SEC23A: variants seen among roughly 807,000 people sequenced by gnomAD.
The protein encoded by SEC23A is SEC23 homolog A, COPII component.
SEC23A carries 56 observed loss-of-function variants against 103.7 expected under a neutral mutation model. That is an observed-to-expected ratio of 0.54 (90% CI 0.44 to 0.67). SEC23A has a LOEUF of 0.67. SEC23A is among the 30% of genes least tolerant of loss of function. The pLI is 0.00. For missense variants in SEC23A, 784 were observed against 936.4 expected (o/e 0.84, Z 2.12); for synonymous variants, 281 against 293.0 (o/e 0.96, Z 0.42).
In SEC23A at chr14:39,077,227, CAAAAAAAAAAA is replaced by C. The variant is rs57549556; in HGVS notation, c.829-1145_829-1135del. Among the ~76,000 whole-genome samples the C allele has an allele frequency of 1.8e-3, 65 of 36,480 alleles. No individual in the cohort carries two copies. The East Asian group carries it at 0.032, about 18-fold the overall frequency. The allele number at this position is 36,480 out of a possible 152,430, so 23.9% of individuals were successfully genotyped here. On this transcript the variant is annotated intron_variant, in intron 7 of 19. Coordinates refer to ENST00000307712, the MANE Select transcript of SEC23A (RefSeq NM_006364.4). ...TGGGCAATGGAGCAAGACTCCATCT[CAAAAAAAAAAA>C]AAAAAAAAAAAAAAAAAGAAAGAGG...
At chr14:39,041,047 ATTC>A in intron 17 of SEC23A, 160 bp from the exon 18 acceptor site, 1 of 669,772 alleles carries the variant, frequency 1.5e-6, no homozygotes. Context: ...TAGAGAAAAT[ATTC>A]TTAATAAATA....
chr14:39,092,903 G>C (rs1887709665), intron 3 of SEC23A: 1 of 489,946 alleles, frequency 2.0e-6, no homozygotes, highest in African/African-American at 2.0e-5. Context: ...TTGCTCTGTT[G>C]CCCAGGCTGG....
chr14:39,054,432 G>A (rs917244348), intron 14 of SEC23A, among the ~76,000 whole-genome samples: 1 of 152,068 alleles, frequency 6.6e-6, no homozygotes, highest in African/African-American at 2.4e-5. Context: ...ATACAGACTT[G>A]TCTATATTTT....
intron 9 of SEC23A, among the ~76,000 whole-genome samples, chr14:39,072,685 G>A (rs1367033354): frequency 6.6e-6 from 1 of 152,106 alleles, no homozygotes; most frequent in Non-Finnish European, 1.5e-5. Context: ...GTGGTAGCAT[G>A]TGCCTGTAGT....
chr14:39,048,800 C>A, intron 14 of SEC23A, 71 bp from the exon 15 acceptor site: 2 of 823,060 alleles, frequency 2.4e-6, no homozygotes, highest in Non-Finnish European at 4.1e-6. Flanking sequence ...TATAAATATT[C>A]TATTTACAAG....
intron 2 of SEC23A, among the ~76,000 whole-genome samples, chr14:39,094,373 TACACACACACAC>T (rs1160995370): frequency 5.1e-5 from 1 of 19,450 alleles, no homozygotes; most frequent in Non-Finnish European, 8.9e-5. Context: ...CATATATATA[TACACACACACAC>T]ACACACACAC....
At chr14:39,067,346 C>T (rs774609233) in intron 9 of SEC23A, 50 bp from the exon 10 acceptor site, 9 of 1,600,402 alleles carry the variant, frequency 5.6e-6, no homozygotes, top group South Asian at 1.1e-5. Context: ...TTACTGAGTC[C>T]GTGTGTTAAA....
At chr14:39,037,006 C>T (rs1298165837) in intron 19 of SEC23A, among the ~76,000 whole-genome samples, 1 of 152,094 alleles carries the variant, frequency 6.6e-6, no homozygotes, top group African/African-American at 2.4e-5. Flanking sequence ...CCTCCTTCTT[C>T]TTCCTTCTAT....
chr14:39,033,166 T>C lies in SEC23A; in HGVS notation c.*73A>G. The C allele has an allele frequency of 8.6e-7, 1 of 1,157,954 alleles. No homozygotes were observed. The highest frequency in any genetic ancestry group is 1.7e-5 in the Admixed American group (1 of 59,038). The allele number at this position is 1,157,954 out of a possible 1,614,324, so 71.7% of individuals were successfully genotyped here. A position where few individuals can be genotyped will look rare whatever the true frequency, so the allele number is the denominator to read the frequency against. ...AGCAATATCTGTTGGTTTCCACAGA[T>C]AAATGGAAAAAGGAAAAAATGAAAT... On this transcript the variant is annotated 3_prime_UTR_variant, in exon 20 of 20. Transcript: ENST00000307712.
chr14:39,045,348 G>T (rs1885793703), intron 15 of SEC23A, 24 bp from the exon 16 acceptor site: 1 of 1,570,000 alleles, frequency 6.4e-7, no homozygotes, highest in Admixed American at 1.7e-5. Context: ...ACGTAAGATA[G>T]TTGTTACTGA....
chr14:39,087,831 T>C (rs961279310), intron 5 of SEC23A: 1 of 152,208 alleles, frequency 6.6e-6, no homozygotes, highest in African/African-American at 2.4e-5. Flanking sequence ...CCATATTCTA[T>C]GCTAAAACCT....
intron 11 of SEC23A, among the ~76,000 whole-genome samples, chr14:39,064,325 G>A (rs770468719): frequency 7.2e-5 from 11 of 152,100 alleles, no homozygotes; most frequent in African/African-American, 1.2e-4. Flanking sequence ...TTTAGAGTAC[G>A]TTATACTTCC....
At chr14:39,077,263 G>A (rs1251266556) in intron 7 of SEC23A, among the ~76,000 whole-genome samples, 4 of 142,018 alleles carry the variant, frequency 2.8e-5, no homozygotes, top group East Asian at 2.0e-4. Context: ...AAAGAAAGAG[G>A]CCCGGCACGG....
In SEC23A at chr14:39,094,420, ATATATATATATATATATATATATTT is replaced by A. The variant is rs1332172276; in HGVS notation, c.222-1201_222-1177del. 1.6e-4 allele frequency among the ~76,000 whole-genome samples: 10 copies of A among 62,548 alleles called. 2 individuals carry two copies. Among genetic ancestry groups the A allele is most frequent in the African/African-American group, 1.3e-3 (10 of 7,602 alleles). 41.0% of individuals were successfully genotyped at this position (62,548 alleles called of 152,430 possible). On this transcript the variant is annotated intron_variant, in intron 2 of 19. Coordinates refer to ENST00000307712, the MANE Select transcript of SEC23A (RefSeq NM_006364.4). ...CACATATATATATATATATATATATATATATATATATATATATATATATTTTTTTTTTTTTTTTTTCCCCTCCTGT... is the reference window on the plus strand; with the variant it reads ...CACATATATATATATATATATATATATTTTTTTTTTTTTTTCCCCTCCTGT...
At chr14:39,094,111 T>C (rs906512287) in intron 2 of SEC23A, among the ~76,000 whole-genome samples, 8 of 151,286 alleles carry the variant, frequency 5.3e-5, no homozygotes, top group African/African-American at 1.9e-4. Context: ...AGCATTGAAC[T>C]CCTGGCTCAA....
At chr14:39,034,893 C>G (rs1188934919) in intron 19 of SEC23A, among the ~76,000 whole-genome samples, 4 of 152,192 alleles carry the variant, frequency 2.6e-5, no homozygotes, top group South Asian at 4.1e-4. Flanking sequence ...GTGGTGCCCT[C>G]TTACGGCCGT....
chr14:39,089,534 C>A (rs1489819968), intron 5 of SEC23A, among the ~76,000 whole-genome samples: 1 of 152,212 alleles, frequency 6.6e-6, no homozygotes, highest in African/African-American at 2.4e-5. Context: ...TCATCTCACT[C>A]TTGCTTTAAC....
chr14:39,070,762 C>G (rs1305601639), intron 9 of SEC23A, among the ~76,000 whole-genome samples: 5 of 152,032 alleles, frequency 3.3e-5, no homozygotes, highest in Non-Finnish European at 5.9e-5. Flanking sequence ...CACGGTAGCT[C>G]ATGCCTATAA....
At chr14:39,033,437 T>A (rs978794162) in intron 19 of SEC23A, 109 bp from the exon 20 acceptor site, 2 of 806,030 alleles carry the variant, frequency 2.5e-6, no homozygotes, top group African/African-American at 3.4e-5. Context: ...CCTATGGTCC[T>A]ATTAAATAAA....
Sources: gnomAD v4.1 joint callset for allele counts (sites outside exome capture counted in the v4.1 genomes callset) on GRCh38, gnomAD v4.1.1 for gene constraint, MANE v1.5 for transcripts, NCBI Gene and HGNC (gene_info 2026-07-23, HGNC 2026-07-21) for gene names.